Variants in GPR158 observed in about 807,000 individuals in gnomAD.
GPR158 encodes G protein-coupled receptor 158, also known as metabotropic glycine receptor.
Under a neutral mutation model 78.2 loss-of-function variants are expected in GPR158, and 30 were observed. The observed-to-expected ratio is 0.38, with a 90% CI of 0.29 to 0.52. The LOEUF (loss-of-function observed/expected upper bound fraction) is 0.52. Among genes scored for constraint, GPR158 ranks in the 20% least tolerant of loss-of-function variants. GPR158 has a pLI of 0.83. For missense variants in GPR158, 1,463 were observed against 1,523.5 expected (o/e 0.96, Z 0.66); for synonymous variants, 581 against 591.1 (o/e 0.98, Z 0.25).
At chr10:25,367,418 A>G (rs1244033622) in intron 2 of GPR158, among the ~76,000 whole-genome samples, 3 of 151,710 alleles carry the variant, frequency 2.0e-5, no homozygotes, top group East Asian at 1.9e-4. Context: ...AACTTATACA[A>G]TAAGCCCCCC....
chr10:25,546,007 A>G (rs559460018), intron 5 of GPR158, among the ~76,000 whole-genome samples: 3 of 152,316 alleles, frequency 2.0e-5, no homozygotes, highest in East Asian at 3.9e-4. Context: ...TTGAGAGTAA[A>G]TAACGTGCAA....
rs565842159 is a variant in GPR158 at position 25,293,284 on chromosome 10, A to G, written c.1008+72127A>G. 5.3e-5 allele frequency among the ~76,000 whole-genome samples: 8 copies of G among 152,316 alleles called. No homozygotes were observed. In the South Asian group the frequency reaches 6.2e-4, roughly 12 times the overall value. ...CTTTGTTGTAACATGGTTACTTACT[A>G]TATGGAGTCAGGGGAAGGTAGCTGA... On this transcript the variant is annotated intron_variant, in intron 2 of 10. Coordinates refer to ENST00000376351, the MANE Select transcript of GPR158 (RefSeq NM_020752.3).
intron 1 of GPR158, among the ~76,000 whole-genome samples, chr10:25,209,131 G>A (rs1433754918): frequency 1.3e-5 from 2 of 152,174 alleles, no homozygotes; most frequent in Admixed American, 6.5e-5. Context: ...GGGATTACAG[G>A]TGTGAGCCAC....
chr10:25,293,311 C>T (rs10828770), intron 2 of GPR158, among the ~76,000 whole-genome samples: 90,181 of 151,982 alleles, frequency 0.59, 28,167 homozygotes, highest in Non-Finnish European at 0.71. Flanking sequence ...GGTAGCTGAC[C>T]ATGAAACTGA....
chr10:25,500,195 A>T (rs766856581), intron 5 of GPR158, among the ~76,000 whole-genome samples: 7 of 152,204 alleles, frequency 4.6e-5, no homozygotes, highest in Non-Finnish European at 1.0e-4. Context: ...TTGAATTCCT[A>T]TCCTTTAACC....
At chr10:25,279,967 GA>G (rs112979632) in intron 2 of GPR158, among the ~76,000 whole-genome samples, 27,001 of 119,860 alleles carry the variant, frequency 0.23, 3,696 homozygotes, top group African/African-American at 0.43. Flanking sequence ...CCATTAAAAT[GA>G]AAAAAAAAAA....
chr10:25,185,808 G>GAA (rs973363374), intron 1 of GPR158, among the ~76,000 whole-genome samples: 4 of 142,758 alleles, frequency 2.8e-5, no homozygotes, highest in African/African-American at 7.7e-5. Context: ...GGGCGACAGA[G>GAA]AAAAAAAAAA....
intron 5 of GPR158, among the ~76,000 whole-genome samples, chr10:25,525,918 C>G (rs1235007799): frequency 1.3e-5 from 2 of 151,766 alleles, no homozygotes; most frequent in African/African-American, 4.8e-5. Context: ...ACCAGCCTGG[C>G]CAACATGATG....
intron 2 of GPR158, among the ~76,000 whole-genome samples, chr10:25,338,397 AT>A (rs1249430827): frequency 1.5e-5 from 2 of 135,140 alleles, no homozygotes; most frequent in Non-Finnish European, 1.5e-5. Flanking sequence ...CTCTATATAT[AT>A]TATTATATAT....
At chr10:25,425,115 G>T (rs1834802078) in intron 4 of GPR158, among the ~76,000 whole-genome samples, 1 of 152,094 alleles carries the variant, frequency 6.6e-6, no homozygotes, top group Admixed American at 6.6e-5. Flanking sequence ...TTGTAAGCTA[G>T]ATTCGTAGGT....
At chr10:25,420,604 A>G (rs1207723490) in intron 4 of GPR158, among the ~76,000 whole-genome samples, 1 of 152,136 alleles carries the variant, frequency 6.6e-6, no homozygotes, top group Non-Finnish European at 1.5e-5. Context: ...TAGGATTCAC[A>G]TTAGGTCTTT....
intron 5 of GPR158, among the ~76,000 whole-genome samples, chr10:25,521,250 C>T (rs1387837158): frequency 6.6e-6 from 1 of 152,210 alleles, no homozygotes; most frequent in Non-Finnish European, 1.5e-5. Context: ...ACCCACTGGC[C>T]TGCGCCCACT....
At chr10:25,348,396 GACAC>G (rs34088676) in intron 2 of GPR158, among the ~76,000 whole-genome samples, 21,213 of 141,646 alleles carry the variant, frequency 0.15, 2,081 homozygotes, top group East Asian at 0.52. Flanking sequence ...TAGGAAGAAA[GACAC>G]ACACACACAC....
chr10:25,336,610 C>G (rs1468368613), intron 2 of GPR158, among the ~76,000 whole-genome samples: 1 of 152,018 alleles, frequency 6.6e-6, no homozygotes, highest in East Asian at 1.9e-4. Flanking sequence ...GAGGGAAAGT[C>G]TGCTGAAGGG....
chr10:25,347,560 C>T (rs1294927378), intron 2 of GPR158, among the ~76,000 whole-genome samples: 4 of 151,922 alleles, frequency 2.6e-5, no homozygotes, highest in Non-Finnish European at 4.4e-5. Flanking sequence ...TCATCATTAC[C>T]ATTCTATTTG....
At position 25,335,668 on chromosome 10, in the gene GPR158, G is replaced by A. The variant is rs1426875453; in HGVS notation, c.1009-60243G>A. Among the ~76,000 whole-genome samples the A allele has an allele frequency of 3.3e-5, 5 of 151,982 alleles. No homozygotes were observed. In the East Asian group the frequency reaches 9.6e-4, roughly 29 times the overall value. The stretch of plus-strand genomic sequence containing the variant: ...ATGGCTATTGTAATAAACTCTTCTT[G>A]AAATTTGTAAAACAATTTTAGCATT... On this transcript the variant is annotated intron_variant, in intron 2 of 10. Coordinates refer to ENST00000376351, the MANE Select transcript of GPR158 (RefSeq NM_020752.3).
chr10:25,270,999 A>G (rs964470674), intron 2 of GPR158, among the ~76,000 whole-genome samples: 2 of 152,196 alleles, frequency 1.3e-5, no homozygotes, highest in Admixed American at 6.5e-5. Flanking sequence ...AAAAATCTTC[A>G]TCTCATACTT....
intron 5 of GPR158, among the ~76,000 whole-genome samples, chr10:25,496,542 C>T (rs1342005256): frequency 2.0e-5 from 3 of 152,094 alleles, no homozygotes; most frequent in African/African-American, 7.2e-5. Context: ...AGTAGAAATC[C>T]TTGGTGCTTT....
intron 5 of GPR158, among the ~76,000 whole-genome samples, chr10:25,501,374 T>A (rs182020678): frequency 2.8e-4 from 42 of 152,336 alleles, no homozygotes; most frequent in African/African-American, 9.4e-4. Context: ...TCTCCTCCCA[T>A]GATTTTCTAT....
Sources: allele counts gnomAD v4.1 joint callset (sites outside exome capture counted in the v4.1 genomes callset), GRCh38; gene constraint gnomAD v4.1.1; transcripts MANE v1.5; gene names NCBI Gene and HGNC (gene_info 2026-07-23, HGNC 2026-07-21).